The following C8orf34 variants were observed in gnomAD, a reference collection of about 807,000 sequenced individuals.
The protein encoded by C8orf34 is uncharacterized protein C8orf34.
A neutral mutation model predicts 68.3 loss-of-function variants in C8orf34; 65 were observed. That is an observed-to-expected ratio of 0.95 (90% CI 0.78 to 1.17). The LOEUF (loss-of-function observed/expected upper bound fraction) is 1.17. C8orf34 is among the 50% of genes most tolerant of loss of function. The pLI is 0.00. For synonymous variants in C8orf34, 244 were observed against 241.2 expected (o/e 1.01, Z -0.11); for missense variants, 664 against 655.4 (o/e 1.01, Z -0.14).
At chr8:68,805,966 T>C (rs530543836) in intron 12 of C8orf34, among the ~76,000 whole-genome samples, 3 of 152,238 alleles carry the variant, frequency 2.0e-5, no homozygotes, top group Non-Finnish European at 4.4e-5. Context: ...TGCTCTTTTA[T>C]TCTATTTTAG....
In C8orf34 at chr8:68,577,915, G is replaced by C. The variant is rs1333862375; in HGVS notation, c.1105+44766G>C. On this transcript the variant is annotated intron_variant, in intron 7 of 13. Transcript: ENST00000518698. Reference sequence around the variant, plus strand: ...AACACGAAAAAAAAAATGCTGAAATGTGAACAGTGGCTCTCTCATGAGACT... The same window carrying C: ...AACACGAAAAAAAAAATGCTGAAATCTGAACAGTGGCTCTCTCATGAGACT... Among the ~76,000 whole-genome samples the C allele has an allele frequency of 2.6e-5, 4 of 151,670 alleles. No individual in the cohort carries two copies. In the East Asian group the frequency reaches 5.8e-4, roughly 22 times the overall value.
intron 3 of C8orf34, among the ~76,000 whole-genome samples, chr8:68,451,972 T>C (rs1372758841): frequency 6.6e-6 from 1 of 152,054 alleles, no homozygotes; most frequent in Non-Finnish European, 1.5e-5. Flanking sequence ...AATCACAATG[T>C]ATGACCTTTT....
At chr8:68,374,590 A>G (rs1807709548) in intron 1 of C8orf34, among the ~76,000 whole-genome samples, 1 of 152,228 alleles carries the variant, frequency 6.6e-6, no homozygotes, top group Non-Finnish European at 1.5e-5. Flanking sequence ...CCTTGTGGAT[A>G]CCATATAGCT....
chr8:68,570,831 C>T (rs2130262541), intron 7 of C8orf34, among the ~76,000 whole-genome samples: 1 of 152,250 alleles, frequency 6.6e-6, no homozygotes, highest in Middle Eastern at 3.4e-3. Flanking sequence ...GTACGAGAAG[C>T]ACCAACTTAA....
intron 5 of C8orf34, among the ~76,000 whole-genome samples, chr8:68,500,612 A>C (rs1813724489): frequency 6.6e-6 from 1 of 152,084 alleles, no homozygotes; most frequent in African/African-American, 2.4e-5. Context: ...ATATGTAAAG[A>C]AGAGAACCCT....
At chr8:68,356,365 T>G (rs1235984615) in intron 1 of C8orf34, among the ~76,000 whole-genome samples, 4 of 152,148 alleles carry the variant, frequency 2.6e-5, no homozygotes, top group African/African-American at 9.7e-5. Context: ...GGGTACTATA[T>G]TATCTACCGA....
At chr8:68,444,859 G>A (rs1811056244) in intron 2 of C8orf34, among the ~76,000 whole-genome samples, 1 of 152,056 alleles carries the variant, frequency 6.6e-6, no homozygotes, top group Non-Finnish European at 1.5e-5. Flanking sequence ...TTTATATAAA[G>A]AGATGCTATA....
At chr8:68,549,992 T>C (rs1251771147) in intron 7 of C8orf34, among the ~76,000 whole-genome samples, 1 of 151,944 alleles carries the variant, frequency 6.6e-6, no homozygotes, top group Middle Eastern at 3.4e-3. Context: ...ATGTTTATAT[T>C]TAAAGAGAGT....
intron 10 of C8orf34, among the ~76,000 whole-genome samples, chr8:68,737,956 A>G (rs1418190179): frequency 6.6e-6 from 1 of 152,166 alleles, no homozygotes; most frequent in African/African-American, 2.4e-5. Context: ...TCTCCATCCC[A>G]AAACAACAGA....
chr8:68,350,577 T>C (rs1042861241), intron 1 of C8orf34, among the ~76,000 whole-genome samples: 1 of 152,100 alleles, frequency 6.6e-6, no homozygotes, highest in Admixed American at 6.6e-5. Context: ...TGTCTCCTTG[T>C]AGGTCTCTAA....
At chr8:68,499,254 G>T (rs1586265426) in intron 5 of C8orf34, among the ~76,000 whole-genome samples, 1 of 152,136 alleles carries the variant, frequency 6.6e-6, no homozygotes, top group Non-Finnish European at 1.5e-5. Context: ...CAAAGGACAA[G>T]ATTTTGTTCT....
intron 8 of C8orf34, among the ~76,000 whole-genome samples, chr8:68,658,056 A>G (rs1819559892): frequency 6.6e-6 from 1 of 152,232 alleles, no homozygotes; most frequent in Non-Finnish European, 1.5e-5. Flanking sequence ...TATCCAGCCA[A>G]CACAATCCTT....
At chr8:68,525,163 C>T (rs548187014) in intron 6 of C8orf34, among the ~76,000 whole-genome samples, 18 of 152,140 alleles carry the variant, frequency 1.2e-4, no homozygotes, top group African/African-American at 4.1e-4. Context: ...GGAAATGGTC[C>T]CCTTCCTCTT....
At chr8:68,653,117 A>G (rs769084782) in intron 8 of C8orf34, among the ~76,000 whole-genome samples, 34 of 152,240 alleles carry the variant, frequency 2.2e-4, no homozygotes, top group Non-Finnish European at 4.3e-4. Context: ...GTAAAACATA[A>G]GAGGTCCCAA....
chr8:68,540,287 G>T (rs533986460), intron 7 of C8orf34, among the ~76,000 whole-genome samples: 4 of 149,374 alleles, frequency 2.7e-5, no homozygotes, highest in African/African-American at 9.9e-5. Context: ...ACAGTTGAAG[G>T]TCTTATTTTA....
At chr8:68,368,618 A>G (rs1472303463) in intron 1 of C8orf34, among the ~76,000 whole-genome samples, 1 of 152,160 alleles carries the variant, frequency 6.6e-6, no homozygotes, top group African/African-American at 2.4e-5. Flanking sequence ...ACCTTTATAA[A>G]GTTAGGAAAG....
At chr8:68,691,774 C>T (rs997889342) in intron 8 of C8orf34, among the ~76,000 whole-genome samples, 1 of 151,888 alleles carries the variant, frequency 6.6e-6, no homozygotes, top group Non-Finnish European at 1.5e-5. Context: ...AAGGTGAGTC[C>T]TCCTTTTCTT....
At chr8:68,508,981 C>T (rs1018186468) in intron 5 of C8orf34, among the ~76,000 whole-genome samples, 1 of 152,148 alleles carries the variant, frequency 6.6e-6, no homozygotes, top group African/African-American at 2.4e-5. Flanking sequence ...GGGCCAGGTT[C>T]CTCCCTGCTG....
At chr8:68,662,106 A>G (rs1563593365) in intron 8 of C8orf34, among the ~76,000 whole-genome samples, 1 of 152,166 alleles carries the variant, frequency 6.6e-6, no homozygotes, top group Non-Finnish European at 1.5e-5. Context: ...GCAGACAGGA[A>G]TAGGGCTTGG....
Sources: allele counts gnomAD v4.1 joint callset (sites outside exome capture counted in the v4.1 genomes callset), GRCh38; gene constraint gnomAD v4.1.1; transcripts MANE v1.5; gene names NCBI Gene and HGNC (gene_info 2026-07-23, HGNC 2026-07-21).